The following CD101 variants were observed in gnomAD, a reference collection of about 807,000 sequenced individuals.
CD101 encodes the protein immunoglobulin superfamily member 2.
A neutral mutation model predicts 98.2 loss-of-function variants in CD101; 76 were observed. The ratio of observed to expected loss-of-function variants is 0.77; its 90% CI spans 0.64 to 0.94. The LOEUF is 0.94. Among genes scored for constraint, CD101 ranks in the 40% least tolerant of loss-of-function variants. The probability of loss-of-function intolerance (pLI) is 0.00; values close to 1 mark genes in which losing one functional copy is unlikely to be tolerated. For synonymous variants in CD101, 471 were observed against 472.7 expected (o/e 1.00, Z 0.05); for missense variants, 1,145 against 1,218.8 (o/e 0.94, Z 0.90).
chr1:117,011,877 C>G lies in CD101; in HGVS notation c.752C>G (p.Ala251Gly). ...GATCAGGGTCAGCTGTTCTGTGAGG[C>G]AACGGAATGGATTCAGGATCCAGAT... ...SSDQGQLFCE[A>G]TEWIQDPDET... Residue 251 changes from alanine to glycine, a missense_variant, in exon 3 of 10, where the codon GCA (alanine) becomes GGA (glycine). By Grantham distance (60) the Ala-to-Gly change is moderately conservative. Coordinates refer to ENST00000682167, the MANE Select transcript of CD101 (RefSeq NM_001256106.3). 6.2e-7 allele frequency: 1 copy of G among 1,614,074 alleles called. No individual in the cohort carries two copies.
chr1:117,021,702 C>A lies in CD101; in HGVS notation c.2147C>A (p.Ser716Tyr), dbSNP rs1420585501. Reference protein sequence around the residue: ...NLQLAIIWYFSPVSTNASWLK... With the variant: ...NLQLAIIWYFYPVSTNASWLK... ...CAGTTAGCCATTATTTGGTATTTTT[C>A]TCCTGTTTCCACTAATGCCTCTTGG... Residue 716 changes from serine to tyrosine, a missense_variant, in exon 7 of 10, where the codon TCT becomes TAT. By Grantham distance (144) the Ser-to-Tyr change is moderately radical (BLOSUM62 -2). Coordinates refer to ENST00000682167, the MANE Select transcript of CD101 (RefSeq NM_001256106.3). The surrounding 1 kb of genome is among the most constrained non-coding windows in gnomAD (Gnocchi z 4.7). 6.2e-7 allele frequency: 1 copy of A among 1,614,112 alleles called. No individual in the cohort carries two copies. Among genetic ancestry groups the A allele is most frequent in the South Asian group, 1.1e-5 (1 of 91,076 alleles).
At chr1:117,029,257 G>GAA (rs138791592) in intron 8 of CD101, among the ~76,000 whole-genome samples, 6 of 127,060 alleles carry the variant, frequency 4.7e-5, no homozygotes, top group African/African-American at 3.7e-5. Flanking sequence ...AAGAAAGAAA[G>GAA]AAAGAAAGAA....
At chr1:117,035,650 C>T (rs927890340) in intron 9 of CD101, among the ~76,000 whole-genome samples, 7 of 151,532 alleles carry the variant, frequency 4.6e-5, no homozygotes, top group East Asian at 1.9e-4. Context: ...CCCGGGTTCA[C>T]GCCATCCTCC....
At position 117,025,590 on chromosome 1, in the gene CD101, A is replaced by G. The variant is rs138724623; in HGVS notation, c.2510A>G (p.Glu837Gly). 8.7e-6 allele frequency: 14 copies of G among 1,613,700 alleles called. No homozygotes were observed. Among genetic ancestry groups the G allele is most frequent in the Non-Finnish European group, 1.2e-5 (14 of 1,179,994 alleles). ...HREVAIRCSLESVGSSATLYS... is the reference protein window; with the variant it reads ...HREVAIRCSLGSVGSSATLYS... ...GAAGTGGCCATCCGCTGCAGCCTGGAGAGTGTAGGCAGCTCAGCCACTCTG... is the reference window on the plus strand; with the variant it reads ...GAAGTGGCCATCCGCTGCAGCCTGGGGAGTGTAGGCAGCTCAGCCACTCTG... Residue 837 changes from glutamate (E) to glycine (G), a missense_variant, in exon 8 of 10, where the codon GAG becomes GGG. Glu to Gly is a moderately conservative substitution (Grantham distance 98). Transcript: ENST00000682167.
chr1:117,026,646 A>G (rs1160075112), intron 8 of CD101: 1 of 152,246 alleles, frequency 6.6e-6, no homozygotes, highest in Non-Finnish European at 1.5e-5. Flanking sequence ...AGTAGAATAA[A>G]TAGATAAGAA....
In CD101 at chr1:117,012,759, G is replaced by T. The variant is rs1341252939; in HGVS notation, c.842-647G>T. On this transcript the variant is annotated intron_variant, in intron 3 of 9. Transcript: ENST00000682167. This position sits in a 1 kb window ranked among gnomAD's most constrained non-coding sequence, Gnocchi z 4.0. ...CATTTTTGTCAAAGCAAGTATAAAG[G>T]CCTTGTCTGTGATTCCTGGTCTCTA... 1.3e-5 allele frequency among the ~76,000 whole-genome samples: 2 copies of T among 152,088 alleles called. No individual in the cohort carries two copies. Among genetic ancestry groups the T allele is most frequent in the Non-Finnish European group, 2.9e-5 (2 of 68,024 alleles).
Position 117,022,059 on chromosome 1 carries a change from G to A in CD101, c.2428+76G>A, listed in dbSNP as rs1653622030. 6.8e-7 allele frequency: 1 copy of A among 1,464,690 alleles called. No individual in the cohort carries two copies. The highest frequency in any genetic ancestry group is 9.2e-7 in the Non-Finnish European group (1 of 1,084,390). 90.7% of individuals were successfully genotyped at this position (1,464,690 alleles called of 1,614,324 possible). ...TTCTCTTGGGCAGCTGTTCTATGGA[G>A]TGATTATGTGGAAGTAAAAATATGA... On this transcript the variant is annotated intron_variant, in intron 7 of 9. Coordinates refer to ENST00000682167, the MANE Select transcript of CD101 (RefSeq NM_001256106.3). This position sits in a 1 kb window ranked among gnomAD's most constrained non-coding sequence, Gnocchi z 4.8.
Position 117,033,804 on chromosome 1 carries a change from G to T in CD101, c.2825-56G>T. 1 of 1,607,984 alleles carries T rather than the reference G, an allele frequency of 6.2e-7. No individual in the cohort carries two copies. Among genetic ancestry groups the T allele is most frequent in the South Asian group, 1.1e-5 (1 of 90,402 alleles). The stretch of plus-strand genomic sequence containing the variant: ...ATAAATCCCAGGAGTGTTTGTAATT[G>T]ACTAGTACAAATAAGTTGGAGATGA... On this transcript the variant is annotated intron_variant, in intron 8 of 9. Coordinates refer to ENST00000682167, the MANE Select transcript of CD101 (RefSeq NM_001256106.3). This position sits in a 1 kb window ranked among gnomAD's most constrained non-coding sequence, Gnocchi z 4.8.
intron 8 of CD101, among the ~76,000 whole-genome samples, chr1:117,029,548 C>G (rs1654311105): frequency 6.6e-6 from 1 of 152,232 alleles, no homozygotes; most frequent in African/African-American, 2.4e-5. Context: ...TGTTTAACAT[C>G]TGTCACACTG....
chr1:117,030,441 AAG>A (rs1445500883), intron 8 of CD101, among the ~76,000 whole-genome samples: 2 of 151,236 alleles, frequency 1.3e-5, no homozygotes, highest in East Asian at 1.9e-4. Context: ...GAAAGAAAGA[AAG>A]AGAAAGAAAG....
Position 117,019,178 on chromosome 1 carries a change from T to C in CD101, c.2017+618T>C, listed in dbSNP as rs1310325860. Among the ~76,000 whole-genome samples, 2 of 152,346 alleles carry C rather than the reference T, an allele frequency of 1.3e-5. No homozygotes were observed. The highest frequency in any genetic ancestry group is 3.9e-4 in the East Asian group (2 of 5,190). ...GTTTGCATTCTCTTAGGAAGAGTGA[T>C]GGAGAGACGTTGGAGTCATTTAGAT... On this transcript the variant is annotated intron_variant, in intron 6 of 9. Coordinates refer to ENST00000682167, the MANE Select transcript of CD101 (RefSeq NM_001256106.3). The surrounding 1 kb of genome is among the most constrained non-coding windows in gnomAD (Gnocchi z 4.3).
chr1:117,007,421 C>T (rs958981231), intron 1 of CD101, among the ~76,000 whole-genome samples: 7 of 151,814 alleles, frequency 4.6e-5, no homozygotes, highest in Non-Finnish European at 1.0e-4. Context: ...AATCTCGGCT[C>T]ACTGCAACCT....
At chr1:117,024,146 A>G (rs1164356313) in intron 7 of CD101, among the ~76,000 whole-genome samples, 1 of 152,238 alleles carries the variant, frequency 6.6e-6, no homozygotes, top group Non-Finnish European at 1.5e-5. Context: ...GAAAGAGTCC[A>G]AGATCAGACA....
chr1:117,028,028 T>A (rs943775193), intron 8 of CD101, among the ~76,000 whole-genome samples: 3 of 152,018 alleles, frequency 2.0e-5, no homozygotes, highest in African/African-American at 7.3e-5. Flanking sequence ...AAGGTTGCGG[T>A]GAGCCGAGAT....
Position 117,011,619 on chromosome 1 carries a change from C to A in CD101, c.494C>A (p.Ala165Asp). 6.2e-7 allele frequency: 1 copy of A among 1,613,864 alleles called. No individual in the cohort carries two copies. Among genetic ancestry groups the A allele is most frequent in the Non-Finnish European group, 8.5e-7 (1 of 1,179,756 alleles). Residue 165 changes from alanine (A) to aspartate (D), a missense_variant, in exon 3 of 10, where the codon GCC becomes GAC. Physicochemically the swap from Ala to Asp is moderately radical, Grantham distance 126. Coordinates refer to ENST00000682167, the MANE Select transcript of CD101 (RefSeq NM_001256106.3). ...TLGKEEGEPL[A>D]LTCEASKATA... ...GGTAAGGAGGAAGGTGAGCCATTAG[C>A]CCTCACCTGTGAGGCATCCAAAGCC...
Position 117,022,191 on chromosome 1 carries a change from C to T in CD101, c.2428+208C>T, listed in dbSNP as rs932720973. Among the ~76,000 whole-genome samples, 1 of 152,178 alleles carries T rather than the reference C, an allele frequency of 6.6e-6. No individual in the cohort carries two copies. Among genetic ancestry groups the T allele is most frequent in the African/African-American group, 2.4e-5 (1 of 41,440 alleles). ...CAATCCAATCTGAGGTTTTGGGGAG[C>T]TGAGGTAGGAGCAATATCCCTTTGA... On this transcript the variant is annotated intron_variant, in intron 7 of 9. Coordinates refer to ENST00000682167, the MANE Select transcript of CD101 (RefSeq NM_001256106.3). The surrounding 1 kb of genome is among the most constrained non-coding windows in gnomAD (Gnocchi z 4.8).
intron 1 of CD101, among the ~76,000 whole-genome samples, chr1:117,003,835 A>C: frequency 6.6e-6 from 1 of 152,244 alleles, no homozygotes; most frequent in South Asian, 2.1e-4. Context: ...TTTTATGTGA[A>C]GAATACATAA....
chr1:117,009,125 C>G (rs1162112437), intron 1 of CD101, among the ~76,000 whole-genome samples: 2 of 152,172 alleles, frequency 1.3e-5, no homozygotes, highest in Non-Finnish European at 2.9e-5. Context: ...AGAAAACATT[C>G]CCTAGTGGTC....
At position 117,023,887 on chromosome 1, in the gene CD101, G is replaced by A. The variant is rs1377238163; in HGVS notation, c.2429-1622G>A. On this transcript the variant is annotated intron_variant, in intron 7 of 9. Transcript: ENST00000682167. The surrounding 1 kb of genome is among the most constrained non-coding windows in gnomAD (Gnocchi z 4.4). Reference sequence around the variant, plus strand: ...AAGGGGGATATTTTCTCTGAGGTTGGAAGAAAAGAAGTCAATTTCAAGGAG... The same window carrying A: ...AAGGGGGATATTTTCTCTGAGGTTGAAAGAAAAGAAGTCAATTTCAAGGAG... Among the ~76,000 whole-genome samples the A allele has an allele frequency of 6.6e-6, 1 of 152,124 alleles. No homozygotes were observed. The highest frequency in any genetic ancestry group is 1.5e-5 in the Non-Finnish European group (1 of 68,034).
Sources: allele counts gnomAD v4.1 joint callset (sites outside exome capture counted in the v4.1 genomes callset), GRCh38; gene constraint gnomAD v4.1.1; non-coding constraint Gnocchi (gnomAD v3.1); transcripts MANE v1.5; gene names NCBI Gene and HGNC (gene_info 2026-07-23, HGNC 2026-07-21).